The following HNF4G variants were observed in gnomAD, a reference collection of about 807,000 sequenced individuals.
The protein encoded by HNF4G is hepatocyte nuclear factor 4 gamma, also known as hepatocyte nuclear factor 4-gamma.
HNF4G carries 21 observed loss-of-function variants against 50.9 expected under a neutral mutation model. The observed-to-expected ratio is 0.41, with a 90% CI of 0.29 to 0.59. The LOEUF is 0.59. Among genes scored for constraint, HNF4G ranks in the 20% least tolerant of loss-of-function variants. The pLI is 0.26. For synonymous variants in HNF4G, 198 were observed against 185.6 expected, an observed-to-expected ratio of 1.07 and a Z score of -0.54; for missense variants, 527 against 559.4, an observed-to-expected ratio of 0.94 and a Z score of 0.58.
chr8:75,416,133 G>T (rs944643007), intron 1 of HNF4G, among the ~76,000 whole-genome samples: 1 of 152,100 alleles, frequency 6.6e-6, no homozygotes, highest in Non-Finnish European at 1.5e-5. Flanking sequence ...ATGTGATCAA[G>T]TTCTTTTCTT....
intron 2 of HNF4G, among the ~76,000 whole-genome samples, chr8:75,545,567 C>T (rs1310733640): frequency 6.6e-6 from 1 of 152,076 alleles, no homozygotes; most frequent in Non-Finnish European, 1.5e-5. Context: ...GGCATGGAGA[C>T]TTTTTGAAGC....
At chr8:75,540,961 GT>G (rs1806603220) in intron 1 of HNF4G, among the ~76,000 whole-genome samples, 1 of 151,492 alleles carries the variant, frequency 6.6e-6, no homozygotes. Context: ...TATGACTGGT[GT>G]TCTGGTTCTA....
At chr8:75,479,577 AT>A (rs66931689) in intron 1 of HNF4G, among the ~76,000 whole-genome samples, 10,053 of 144,334 alleles carry the variant, frequency 0.07, 867 homozygotes, top group African/African-American at 0.2. Flanking sequence ...CTTCATTTGC[AT>A]TTTTTTTTTT....
intron 2 of HNF4G, among the ~76,000 whole-genome samples, chr8:75,529,263 C>G (rs1806266198): frequency 6.6e-6 from 1 of 151,982 alleles, no homozygotes. Context: ...TGCACTCCAG[C>G]CTGGGCAACG....
At chr8:75,424,630 A>G (rs1384845668) in intron 1 of HNF4G, among the ~76,000 whole-genome samples, 1 of 152,178 alleles carries the variant, frequency 6.6e-6, no homozygotes, top group Non-Finnish European at 1.5e-5. Flanking sequence ...ATAAGTGAGA[A>G]CATGCAATAA....
chr8:75,540,697 A>G (rs953001772), intron 1 of HNF4G, among the ~76,000 whole-genome samples: 5 of 152,122 alleles, frequency 3.3e-5, no homozygotes, highest in African/African-American at 1.2e-4. Context: ...TAAATAAGAC[A>G]TGAGTTTTTT....
intron 1 of HNF4G, among the ~76,000 whole-genome samples, chr8:75,541,030 T>G (rs928759574): frequency 6.6e-6 from 1 of 152,080 alleles, no homozygotes; most frequent in South Asian, 2.1e-4. Context: ...AAAGGTGAAT[T>G]CTGAAAATTT....
At chr8:75,555,948 T>C in intron 5 of HNF4G, 34 bp from the exon 6 acceptor site, 3 of 1,139,952 alleles carry the variant, frequency 2.6e-6, no homozygotes, top group Non-Finnish European at 3.8e-6. Flanking sequence ...TTATATATTA[T>C]AATTAATTGT....
intron 2 of HNF4G, among the ~76,000 whole-genome samples, chr8:75,547,110 G>C (rs981589506): frequency 6.6e-6 from 1 of 152,054 alleles, no homozygotes; most frequent in African/African-American, 2.4e-5. Flanking sequence ...TGTCCTCAAT[G>C]ACCTCTTAAT....
In HNF4G at chr8:75,529,230, G is replaced by A. The variant is rs1806262764; in HGVS notation, c.-23-14581G>A. Reference sequence around the variant, plus strand: ...GGCGTGAACCCGGCAGGCGGAGCTTGCAGTGAGCTGAGATCGCGCCACTGC... The same window carrying A: ...GGCGTGAACCCGGCAGGCGGAGCTTACAGTGAGCTGAGATCGCGCCACTGC... On this transcript the variant is annotated intron_variant, in intron 2 of 10. Transcript: ENST00000354370. Among the ~76,000 whole-genome samples, 7 of 151,998 alleles carry A rather than the reference G, an allele frequency of 4.6e-5. No individual in the cohort carries two copies. In the South Asian group the frequency reaches 1.5e-3, roughly 32 times the overall value.
chr8:75,550,063 T>C (rs1472742505), intron 3 of HNF4G, among the ~76,000 whole-genome samples: 1 of 152,132 alleles, frequency 6.6e-6, no homozygotes, highest in Non-Finnish European at 1.5e-5. Context: ...TTTAACTTAA[T>C]GGAGTGGATA....
chr8:75,503,015 C>A (rs1812972214), intron 2 of HNF4G, among the ~76,000 whole-genome samples: 1 of 152,118 alleles, frequency 6.6e-6, no homozygotes, highest in Non-Finnish European at 1.5e-5. Flanking sequence ...TACACTTTTT[C>A]TGGACAGATA....
At chr8:75,500,337 A>G (rs1812895375) in intron 2 of HNF4G, among the ~76,000 whole-genome samples, 1 of 152,166 alleles carries the variant, frequency 6.6e-6, no homozygotes, top group East Asian at 1.9e-4. Flanking sequence ...TACATCCCCC[A>G]CAATGGCTAT....
chr8:75,420,538 A>G (rs1810752480), intron 1 of HNF4G, among the ~76,000 whole-genome samples: 1 of 152,170 alleles, frequency 6.6e-6, no homozygotes. Flanking sequence ...TAATTAGTCA[A>G]GCTGTTTTTT....
At chr8:75,541,100 T>G (rs1048696591) in intron 1 of HNF4G, among the ~76,000 whole-genome samples, 2 of 152,126 alleles carry the variant, frequency 1.3e-5, no homozygotes, top group Non-Finnish European at 2.9e-5. Flanking sequence ...CTGTTTTGTG[T>G]CCTTATGTTT....
intron 1 of HNF4G, among the ~76,000 whole-genome samples, chr8:75,431,280 ATGAG>A (rs1811009783): frequency 6.6e-6 from 1 of 152,184 alleles, no homozygotes; most frequent in Non-Finnish European, 1.5e-5. Flanking sequence ...GAGAAAAAAC[ATGAG>A]TGAGATGTTT....
chr8:75,515,744 C>T (rs1805869921), intron 2 of HNF4G, among the ~76,000 whole-genome samples: 1 of 150,376 alleles, frequency 6.6e-6, no homozygotes. Context: ...TGGATAATGA[C>T]CACTGACATT....
At chr8:75,440,212 A>C (rs1451164402) in intron 1 of HNF4G, among the ~76,000 whole-genome samples, 1 of 152,166 alleles carries the variant, frequency 6.6e-6, no homozygotes, top group Admixed American at 6.5e-5. Context: ...AATAGTTGCC[A>C]AGTTAGTGAT....
chr8:75,523,821 A>T (rs2130751206), intron 2 of HNF4G, among the ~76,000 whole-genome samples: 1 of 152,096 alleles, frequency 6.6e-6, no homozygotes, highest in Non-Finnish European at 1.5e-5. Context: ...ATGAGAAACA[A>T]ATAATTTTAT....
Sources: allele counts gnomAD v4.1 joint callset (sites outside exome capture counted in the v4.1 genomes callset), GRCh38; gene constraint gnomAD v4.1.1; transcripts MANE v1.5; gene names NCBI Gene and HGNC (gene_info 2026-07-23, HGNC 2026-07-21).